The following GAPVD1 variants were observed in gnomAD, a reference collection of about 807,000 sequenced individuals.
GAPVD1 encodes the protein GTPase activating protein and VPS9 domains 1.
A neutral mutation model predicts 155.5 loss-of-function variants in GAPVD1; 35 were observed. That is an observed-to-expected ratio of 0.23 (90% CI 0.17 to 0.30). GAPVD1 has a LOEUF of 0.30. Among genes scored for constraint, GAPVD1 ranks in the 10% least tolerant of loss-of-function variants. The probability of loss-of-function intolerance (pLI) is 1.00; values close to 1 mark genes in which losing one functional copy is unlikely to be tolerated. For synonymous variants in GAPVD1, 636 were observed against 619.7 expected (o/e 1.03, Z -0.39); for missense variants, 1,429 against 1,775.7 (o/e 0.80, Z 3.51).
intron 24 of GAPVD1, 86 bp downstream of exon 24, chr9:125,354,927 G>A (rs1849840533): frequency 4.3e-6 from 4 of 929,638 alleles, no homozygotes; most frequent in East Asian, 4.9e-5. Context: ...TTGCTAGTTT[G>A]TTCAAGTATC....
rs1845896941 is a variant in GAPVD1, at chr9:125,330,291, G to A, written c.2173+73G>A. 5.6e-6 allele frequency: 5 copies of A among 887,424 alleles called. 1 individual carries two copies. In the South Asian group the frequency reaches 1.1e-4, roughly 20 times the overall value. 55.0% of individuals were successfully genotyped at this position (887,424 alleles called of 1,614,324 possible). On this transcript the variant is annotated intron_variant, in intron 13 of 27. Transcript: ENST00000297933. ...ATTAAATGCAAGGTATCCCAACTCT[G>A]TATTATGTATATTTTGTCAAATACA...
At chr9:125,310,536 GA>G (rs1842506414) in intron 8 of GAPVD1, among the ~76,000 whole-genome samples, 1 of 121,534 alleles carries the variant, frequency 8.2e-6, no homozygotes, top group Non-Finnish European at 1.6e-5. Flanking sequence ...TTTTTTTCTT[GA>G]TTTTTTTTTT....
chr9:125,345,282 G>GTGATTCTTC (rs1159118067), intron 19 of GAPVD1, among the ~76,000 whole-genome samples: 1 of 151,856 alleles, frequency 6.6e-6, no homozygotes, highest in Non-Finnish European at 1.5e-5. Context: ...CTGGGTTCAA[G>GTGATTCTTC]TGATTCTTCT....
chr9:125,293,834 T>A (rs1407223349), intron 2 of GAPVD1, among the ~76,000 whole-genome samples: 8 of 113,776 alleles, frequency 7.0e-5, no homozygotes, highest in Non-Finnish European at 8.5e-5. Flanking sequence ...TAAAAAAATA[T>A]ATATATAAAA....
intron 12 of GAPVD1, among the ~76,000 whole-genome samples, chr9:125,327,063 A>G (rs879366075): frequency 6.6e-6 from 1 of 152,224 alleles, no homozygotes; most frequent in Non-Finnish European, 1.5e-5. Flanking sequence ...GAGTTAATTC[A>G]GTTCCTAAGG....
intron 6 of GAPVD1, among the ~76,000 whole-genome samples, chr9:125,306,400 G>A (rs1841810985): frequency 6.6e-6 from 1 of 152,070 alleles, no homozygotes; most frequent in Admixed American, 6.6e-5. Context: ...AAATTCCTAC[G>A]TACACTATAT....
At chr9:125,269,934 G>A (rs934051618) in intron 2 of GAPVD1, among the ~76,000 whole-genome samples, 1 of 151,568 alleles carries the variant, frequency 6.6e-6, no homozygotes, top group Non-Finnish European at 1.5e-5. Flanking sequence ...GGCCAGGCTG[G>A]TCTTGAACTC....
chr9:125,350,644 T>G (rs1849165514), intron 22 of GAPVD1, 69 bp from the exon 23 acceptor site: 2 of 958,472 alleles, frequency 2.1e-6, no homozygotes, highest in Non-Finnish European at 3.2e-6. Flanking sequence ...ACGTCCCAAA[T>G]GCTGAATTAG....
intron 9 of GAPVD1, among the ~76,000 whole-genome samples, chr9:125,316,445 C>T (rs900572540): frequency 1.3e-5 from 2 of 152,098 alleles, no homozygotes; most frequent in Admixed American, 6.6e-5. Context: ...TTTTCTGTTC[C>T]TGCATTAGTT....
In GAPVD1 at chr9:125,302,453, C is replaced by T; in HGVS notation, c.656C>T (p.Pro219Leu). Residue 219 changes from proline (P) to leucine (L), a missense_variant, in exon 5 of 28, where the codon CCA becomes CTA. Coordinates refer to ENST00000297933, the MANE Select transcript of GAPVD1 (RefSeq NM_001282680.3). ...GATGAAGATCACCTGGAAACAGATC[C>T]AAACAAGCTAATTGAGAGGTTCTCT... ...VEDEDHLETD[P>L]NKLIERFSPS... The T allele has an allele frequency of 6.2e-7, 1 of 1,613,564 alleles. No homozygotes were observed. Among genetic ancestry groups the T allele is most frequent in the Non-Finnish European group, 8.5e-7 (1 of 1,179,764 alleles).
At chr9:125,310,904 A>C (rs1842587909) in intron 8 of GAPVD1, among the ~76,000 whole-genome samples, 1 of 149,016 alleles carries the variant, frequency 6.7e-6, no homozygotes, top group Non-Finnish European at 1.5e-5. Context: ...CAATACTGCG[A>C]TCTCGGCTCA....
At chr9:125,329,265 T>C (rs1218226079) in intron 12 of GAPVD1, among the ~76,000 whole-genome samples, 1 of 152,248 alleles carries the variant, frequency 6.6e-6, no homozygotes, top group Non-Finnish European at 1.5e-5. Flanking sequence ...TATGAAGATG[T>C]GTATTTTCCT....
At chr9:125,324,411 A>C (rs1844836020) in intron 11 of GAPVD1, among the ~76,000 whole-genome samples, 1 of 151,892 alleles carries the variant, frequency 6.6e-6, no homozygotes, top group Non-Finnish European at 1.5e-5. Flanking sequence ...ACCAACATGG[A>C]GAAAGCCCGT....
At chr9:125,282,446 G>A (rs1193815028) in intron 2 of GAPVD1, among the ~76,000 whole-genome samples, 1 of 152,122 alleles carries the variant, frequency 6.6e-6, no homozygotes, top group Admixed American at 6.6e-5. Flanking sequence ...CTGATAGTCG[G>A]CTTTTACTTT....
intron 2 of GAPVD1, among the ~76,000 whole-genome samples, chr9:125,283,265 G>A (rs1187774721): frequency 1.3e-5 from 2 of 151,836 alleles, no homozygotes; most frequent in Non-Finnish European, 2.9e-5. Context: ...CACCATGTTG[G>A]TCAGGCTGGT....
intron 19 of GAPVD1, among the ~76,000 whole-genome samples, chr9:125,345,031 G>GC (rs1301588473): frequency 2.6e-5 from 4 of 152,022 alleles, no homozygotes; most frequent in South Asian, 2.1e-4. Flanking sequence ...CAGGACTCTT[G>GC]CCCCCCCACT....
intron 23 of GAPVD1, among the ~76,000 whole-genome samples, chr9:125,354,111 A>G (rs868222736): frequency 2.0e-5 from 3 of 152,178 alleles, no homozygotes; most frequent in African/African-American, 7.2e-5. Context: ...TTCTGCTGCC[A>G]GTCCCCTGCT....
At chr9:125,342,944 A>G (rs1165059167) in intron 19 of GAPVD1, among the ~76,000 whole-genome samples, 1 of 152,158 alleles carries the variant, frequency 6.6e-6, no homozygotes, top group Non-Finnish European at 1.5e-5. Context: ...AAGCGTTTGT[A>G]TTTCTGCAGC....
chr9:125,360,118 G>A (rs1237803167), intron 26 of GAPVD1, among the ~76,000 whole-genome samples: 1 of 152,150 alleles, frequency 6.6e-6, no homozygotes, highest in Non-Finnish European at 1.5e-5. Flanking sequence ...TATCACATGT[G>A]ATAAATCTAG....
Sources: allele counts gnomAD v4.1 joint callset (sites outside exome capture counted in the v4.1 genomes callset), GRCh38; gene constraint gnomAD v4.1.1; transcripts MANE v1.5; gene names NCBI Gene and HGNC (gene_info 2026-07-23, HGNC 2026-07-21).